The following ELF3 variants were observed in gnomAD, a reference collection of about 807,000 sequenced individuals.
ELF3 encodes the protein E74 like ETS transcription factor 3.
In ELF3, 18 loss-of-function variants were observed where a neutral mutation model predicts 43.9. The ratio of observed to expected loss-of-function variants is 0.41; its 90% CI spans 0.28 to 0.61. The LOEUF (loss-of-function observed/expected upper bound fraction) is 0.61. ELF3 is among the 20% of genes least tolerant of loss of function. ELF3 has a pLI of 0.30. For missense variants in ELF3, 373 were observed against 487.7 expected (o/e 0.76, Z 2.21); for synonymous variants, 181 against 190.2 (o/e 0.95, Z 0.40).
In ELF3 at chr1:202,011,995, T is replaced by C; in HGVS notation, c.202T>C (p.Ser68Pro). Residue 68 changes from serine (S) to proline (P), a missense_variant, in exon 3 of 9, where the codon TCG (serine) becomes CCG (proline). Transcript: ENST00000367284. ...SWLGEQPQFW[S>P]KTQVLDWISY... ...GTTGGGGGAACAGCCCCAGTTCTGG[T>C]CGAAGACGCAGGTTCTGGACTGGAT... The C allele has an allele frequency of 6.2e-7, 1 of 1,614,004 alleles. No individual in the cohort carries two copies. The highest frequency in any genetic ancestry group is 8.5e-7 in the Non-Finnish European group (1 of 1,180,016).
At position 202,012,491 on chromosome 1, in the gene ELF3, C is replaced by G. The variant is rs1391065711; in HGVS notation, c.478+55C>G. 3.7e-6 allele frequency: 6 copies of G among 1,601,944 alleles called. No homozygotes were observed. Among genetic ancestry groups the G allele is most frequent in the Non-Finnish European group, 5.1e-6 (6 of 1,174,324 alleles). ...AGCCTGTCTTGTCCCATCCCTGCCC[C>G]TCCACAGAGTGCTAGAGATGACCCC... On this transcript the variant is annotated intron_variant, in intron 4 of 8. Coordinates refer to ENST00000367284, the MANE Select transcript of ELF3 (RefSeq NM_004433.5). The surrounding 1 kb of genome is among the most constrained non-coding windows in gnomAD (Gnocchi z 4.2).
chr1:202,013,982 A>G lies in ELF3; in HGVS notation c.959A>G (p.Lys320Arg), dbSNP rs1195754471. Residue 320 changes from lysine (K) to arginine (R), a missense_variant, in exon 8 of 9, where the codon AAG becomes AGG. Coordinates refer to ENST00000367284, the MANE Select transcript of ELF3 (RefSeq NM_004433.5). The surrounding 1 kb of genome is among the most constrained non-coding windows in gnomAD (Gnocchi z 5.7). Reference sequence around the variant, plus strand: ...GCCCAACTATGGGGCCAAAAGAAAAAGAACAGCAACATGACCTACGAGAAG... The same window carrying G: ...GCCCAACTATGGGGCCAAAAGAAAAGGAACAGCAACATGACCTACGAGAAG... ...AVAQLWGQKK[K>R]NSNMTYEKLS... The G allele has an allele frequency of 6.2e-7, 1 of 1,613,724 alleles. No homozygotes were observed. Among genetic ancestry groups the G allele is most frequent in the African/African-American group, 1.3e-5 (1 of 74,926 alleles).
chr1:202,012,789 C>T lies in ELF3; in HGVS notation c.598+30C>T. 1.3e-6 allele frequency: 2 copies of T among 1,538,926 alleles called. No homozygotes were observed. Among genetic ancestry groups the T allele is most frequent in the Non-Finnish European group, 1.7e-6 (2 of 1,143,584 alleles). On this transcript the variant is annotated intron_variant, in intron 5 of 8. Coordinates refer to ENST00000367284, the MANE Select transcript of ELF3 (RefSeq NM_004433.5). This position sits in a 1 kb window ranked among gnomAD's most constrained non-coding sequence, Gnocchi z 4.2. ...GAGCTCTCTCTGGGCCACAACCTCCCTTCCCCGAAGTGTCCCTTGTTCCCT... is the reference window on the plus strand; with the variant it reads ...GAGCTCTCTCTGGGCCACAACCTCCTTTCCCCGAAGTGTCCCTTGTTCCCT...
Position 202,013,578 on chromosome 1 carries a change from G to A in ELF3, c.806-251G>A, listed in dbSNP as rs1684255667. Among the ~76,000 whole-genome samples the A allele has an allele frequency of 6.6e-6, 1 of 152,196 alleles. No homozygotes were observed. The highest frequency in any genetic ancestry group is 2.4e-5 in the African/African-American group (1 of 41,438). ...TCCAGTGTCCTGTCCACTGACTCCA[G>A]TTCTCTCTGCACTTGGCCACTGTCC... On this transcript the variant is annotated intron_variant, in intron 7 of 8. Coordinates refer to ENST00000367284, the MANE Select transcript of ELF3 (RefSeq NM_004433.5). The surrounding 1 kb of genome is among the most constrained non-coding windows in gnomAD (Gnocchi z 5.7).
rs1684209704 is a variant in ELF3 at position 202,012,073 on chromosome 1, C to A, written c.280C>A (p.Arg94=). 3 of 1,614,098 alleles carry A rather than the reference C, an allele frequency of 1.9e-6. No individual in the cohort carries two copies. The highest frequency in any genetic ancestry group is 2.2e-5 in the South Asian group (2 of 91,094). Residue 94 remains arginine, a synonymous_variant, in exon 3 of 9, where the codon CGA becomes AGA. Coordinates refer to ENST00000367284, the MANE Select transcript of ELF3 (RefSeq NM_004433.5). This position sits in a 1 kb window ranked among gnomAD's most constrained non-coding sequence, Gnocchi z 4.2. ...KYDASAIDFS[R]CDMDGATLCN... ...CGACGCAAGCGCCATTGACTTCTCACGATGTGACATGGATGGCGCCACCCT... is the reference window on the plus strand; with the variant it reads ...CGACGCAAGCGCCATTGACTTCTCAAGATGTGACATGGATGGCGCCACCCT...
At position 202,012,885 on chromosome 1, in the gene ELF3, C is replaced by A; in HGVS notation, c.599-62C>A. 4 of 1,567,278 alleles carry A rather than the reference C, an allele frequency of 2.6e-6. No homozygotes were observed. The South Asian group carries it at 3.7e-5, about 14-fold the overall frequency. On this transcript the variant is annotated intron_variant, in intron 5 of 8. Coordinates refer to ENST00000367284, the MANE Select transcript of ELF3 (RefSeq NM_004433.5). The surrounding 1 kb of genome is among the most constrained non-coding windows in gnomAD (Gnocchi z 4.2). ...CAGGCTGGGAAGTGTGTCCTGAGAGCCAGCAGCGTGGTTGAGCAGAGGGTG... is the reference window on the plus strand; with the variant it reads ...CAGGCTGGGAAGTGTGTCCTGAGAGACAGCAGCGTGGTTGAGCAGAGGGTG...
In ELF3 at chr1:202,015,489, G is replaced by A. The variant is rs556662755; in HGVS notation, c.*166G>A. The A allele has an allele frequency of 4.3e-5, 29 of 672,644 alleles. No homozygotes were observed. Among genetic ancestry groups the A allele is most frequent in the South Asian group, 3.4e-4 (18 of 53,438 alleles). 41.7% of individuals were successfully genotyped at this position (672,644 alleles called of 1,614,324 possible). A position where few individuals can be genotyped will look rare whatever the true frequency, so the allele number is the denominator to read the frequency against. On this transcript the variant is annotated 3_prime_UTR_variant, in exon 9 of 9. Coordinates refer to ENST00000367284, the MANE Select transcript of ELF3 (RefSeq NM_004433.5). ...ATTGTCAGCCATCGTCCTGGGACTC[G>A]GAGACTATGGCCTCGCCTCCCCACC... is the stretch of plus-strand genomic sequence containing the variant.
chr1:202,013,361 G>A lies in ELF3; in HGVS notation c.805+63G>A, dbSNP rs77026540. 1.9e-3 allele frequency: 2,989 copies of A among 1,535,956 alleles called. 52 individuals are homozygous for A. The African/African-American group carries it at 0.037, about 19-fold the overall frequency. ...GCTGAGCGGCTTCCTGGGGCACTGCGGGTTGTTGCAGGTATCCCTTCTCCC... is the reference window on the plus strand; with the variant it reads ...GCTGAGCGGCTTCCTGGGGCACTGCAGGTTGTTGCAGGTATCCCTTCTCCC... On this transcript the variant is annotated intron_variant, in intron 7 of 8. Coordinates refer to ENST00000367284, the MANE Select transcript of ELF3 (RefSeq NM_004433.5). This position sits in a 1 kb window ranked among gnomAD's most constrained non-coding sequence, Gnocchi z 5.7.
chr1:202,014,601 T>C (rs1457273085), intron 8 of ELF3, among the ~76,000 whole-genome samples: 2 of 151,862 alleles, frequency 1.3e-5, no homozygotes, highest in Non-Finnish European at 2.9e-5. Context: ...CCTTTTCTTT[T>C]TTCTTCTTCT....
Position 202,012,246 on chromosome 1 carries a change from C to G in ELF3, c.385+68C>G. The G allele has an allele frequency of 2.5e-6, 4 of 1,605,420 alleles. No individual in the cohort carries two copies. The highest frequency in any genetic ancestry group is 3.4e-6 in the Non-Finnish European group (4 of 1,175,094). ...TGAGCTGAGTCGAGTTCAGTGTGGC[C>G]GTAGGCAGGCCCTGGAGCTCTGGGC... is the stretch of plus-strand genomic sequence containing the variant. On this transcript the variant is annotated intron_variant, in intron 3 of 8. Coordinates refer to ENST00000367284, the MANE Select transcript of ELF3 (RefSeq NM_004433.5). This position sits in a 1 kb window ranked among gnomAD's most constrained non-coding sequence, Gnocchi z 4.2.
chr1:202,015,354 C>T lies in ELF3; in HGVS notation c.*31C>T, dbSNP rs370092232. 15 of 1,608,850 alleles carry T rather than the reference C, an allele frequency of 9.3e-6. No homozygotes were observed. The highest frequency in any genetic ancestry group is 3.3e-4 in the Middle Eastern group (2 of 6,048). ...GGAACTATACCCGGGACCAAACTCACGGACCACTCGAGGCCTGCAAACCTT... is the reference window on the plus strand; with the variant it reads ...GGAACTATACCCGGGACCAAACTCATGGACCACTCGAGGCCTGCAAACCTT... On this transcript the variant is annotated 3_prime_UTR_variant, in exon 9 of 9. Transcript: ENST00000367284.
rs1197963974 is a variant in ELF3 at position 202,011,111 on chromosome 1, C to T, written c.-8-18C>T. On this transcript the variant is annotated intron_variant, in intron 1 of 8. Coordinates refer to ENST00000367284, the MANE Select transcript of ELF3 (RefSeq NM_004433.5). ...CTCGTCCCCTCACCAACCTCATCCTCTCTCCCCCTACCCACAGGTAGCCTC... is the reference window on the plus strand; with the variant it reads ...CTCGTCCCCTCACCAACCTCATCCTTTCTCCCCCTACCCACAGGTAGCCTC... The T allele has an allele frequency of 6.2e-7, 1 of 1,613,254 alleles. No homozygotes were observed.
In ELF3 at chr1:202,016,724, C is replaced by A. The variant is rs1259533422; in HGVS notation, c.*1401C>A. 6.6e-6 allele frequency: 1 copy of A among 151,904 alleles called. No homozygotes were observed. Among genetic ancestry groups the A allele is most frequent in the Non-Finnish European group, 1.5e-5 (1 of 68,004 alleles). 9.4% of individuals were successfully genotyped at this position (151,904 alleles called of 1,614,324 possible). A position where few individuals can be genotyped will look rare whatever the true frequency, so the allele number is the denominator to read the frequency against. ...GCTTGGGATGCGAATGATCCTGTCACCCAGGTAGTGAGTATAGCACCCAGT... is the reference window on the plus strand; with the variant it reads ...GCTTGGGATGCGAATGATCCTGTCAACCAGGTAGTGAGTATAGCACCCAGT... On this transcript the variant is annotated 3_prime_UTR_variant, in exon 9 of 9. Coordinates refer to ENST00000367284, the MANE Select transcript of ELF3 (RefSeq NM_004433.5).
In ELF3 at chr1:202,012,531, T is replaced by C. The variant is rs2102992676; in HGVS notation, c.478+95T>C. 3.2e-6 allele frequency: 5 copies of C among 1,558,718 alleles called. No individual in the cohort carries two copies. Among genetic ancestry groups the C allele is most frequent in the Non-Finnish European group, 4.3e-6 (5 of 1,152,812 alleles). On this transcript the variant is annotated intron_variant, in intron 4 of 8. Coordinates refer to ENST00000367284, the MANE Select transcript of ELF3 (RefSeq NM_004433.5). This position sits in a 1 kb window ranked among gnomAD's most constrained non-coding sequence, Gnocchi z 4.2. ...GAGATGACCCCCTCCCCAGACTTCT[T>C]CCTCCCTCAATTAGAAAAATTGCAG...
Position 202,010,892 on chromosome 1 carries a change from G to T in ELF3, c.-9+186G>T. ...AGGCAGAATGGCCATGACGCCGCTA[G>T]TCTGGCTCCAGGGCCCCAGAGATCT... is the stretch of plus-strand genomic sequence containing the variant. On this transcript the variant is annotated intron_variant, in intron 1 of 8. Coordinates refer to ENST00000367284, the MANE Select transcript of ELF3 (RefSeq NM_004433.5). This position sits in a 1 kb window ranked among gnomAD's most constrained non-coding sequence, Gnocchi z 4.3. 1.9e-6 allele frequency: 1 copy of T among 524,090 alleles called. No individual in the cohort carries two copies. 32.5% of individuals were successfully genotyped at this position (524,090 alleles called of 1,614,324 possible).
chr1:202,012,117 G>A lies in ELF3; in HGVS notation c.324G>A (p.Glu108=). The A allele has an allele frequency of 6.2e-7, 1 of 1,614,100 alleles. No individual in the cohort carries two copies. Among genetic ancestry groups the A allele is most frequent in the Non-Finnish European group, 8.5e-7 (1 of 1,180,046 alleles). ...DGATLCNCAL[E]ELRLVFGPLG... ...CCACCCTCTGCAATTGTGCCCTTGA[G>A]GAGCTGCGTCTGGTCTTTGGGCCTC... The change falls in exon 3 of 9, where the codon GAG becomes GAA. Residue 108 remains glutamate, a synonymous_variant. Coordinates refer to ENST00000367284, the MANE Select transcript of ELF3 (RefSeq NM_004433.5). This position sits in a 1 kb window ranked among gnomAD's most constrained non-coding sequence, Gnocchi z 4.2.
In ELF3 at chr1:202,013,466, G is replaced by A. The variant is rs541468854; in HGVS notation, c.805+168G>A. Among the ~76,000 whole-genome samples, 1 of 152,246 alleles carries A rather than the reference G, an allele frequency of 6.6e-6. No individual in the cohort carries two copies. The highest frequency in any genetic ancestry group is 2.1e-4 in the South Asian group (1 of 4,826). On this transcript the variant is annotated intron_variant, in intron 7 of 8. Transcript: ENST00000367284. The surrounding 1 kb of genome is among the most constrained non-coding windows in gnomAD (Gnocchi z 5.7). ...CTATGGTATCGGTCACCACCTAATT[G>A]CAGAGCCTGGCTTGGTGGTCCTGGA...
At position 202,012,725 on chromosome 1, in the gene ELF3, C is replaced by T; in HGVS notation, c.564C>T (p.Ala188=). 2 of 1,596,506 alleles carry T rather than the reference C, an allele frequency of 1.3e-6. No homozygotes were observed. The highest frequency in any genetic ancestry group is 1.7e-6 in the Non-Finnish European group (2 of 1,172,022). The change falls in exon 5 of 9, where the codon GCC becomes GCT. Residue 188 remains alanine, a synonymous_variant. Coordinates refer to ENST00000367284, the MANE Select transcript of ELF3 (RefSeq NM_004433.5). The surrounding 1 kb of genome is among the most constrained non-coding windows in gnomAD (Gnocchi z 4.2). ...ACCCCGGCAGCTGTGGCGCAGGAGC[C>T]CCCTCCCCTGGCAGCTCTGACGTCT... The part of the protein sequence containing the change: ...PYHPGSCGAG[A]PSPGSSDVST...
At chr1:202,015,118 A>G (rs1436907068) in intron 8 of ELF3, 91 bp from the exon 9 acceptor site, 1 of 1,310,256 alleles carries the variant, frequency 7.6e-7, no homozygotes, top group Non-Finnish European at 1.1e-6. Flanking sequence ...GGCATGGGTT[A>G]CCTGGGGGTA....
Sources: allele counts gnomAD v4.1 joint callset (sites outside exome capture counted in the v4.1 genomes callset), GRCh38; gene constraint gnomAD v4.1.1; non-coding constraint Gnocchi (gnomAD v3.1); transcripts MANE v1.5; gene names NCBI Gene and HGNC (gene_info 2026-07-23, HGNC 2026-07-21).